CAPN3: variants seen among roughly 807,000 people sequenced by gnomAD.
CAPN3 encodes calpain-3.
CAPN3 carries 88 observed loss-of-function variants against 114.0 expected under a neutral mutation model. The observed-to-expected ratio is 0.77, with a 90% CI of 0.65 to 0.92. CAPN3 has a LOEUF of 0.92. CAPN3 is among the 40% of genes least tolerant of loss of function. The pLI, the probability that CAPN3 is intolerant of heterozygous loss-of-function variation, is 0.00. For missense variants in CAPN3, 1,028 were observed against 1,069.0 expected (o/e 0.96, Z 0.53); for synonymous variants, 386 against 382.9 (o/e 1.01, Z -0.09).
Position 42,409,381 on chromosome 15 carries a change from G to T in CAPN3, c.1992+1G>T, listed in dbSNP as rs863224961. On this transcript the variant is annotated splice_donor_variant, in intron 17 of 23. Transcript: ENST00000397163. LOFTEE classifies it high-confidence loss of function. ...CATTTTCAAGCAGATAGCAGGAGAT[G>T]TGAGTACCTCCAAGCCCAGGACGCC... 5.6e-6 allele frequency: 9 copies of T among 1,613,882 alleles called. No homozygotes were observed. Among genetic ancestry groups the T allele is most frequent in the Non-Finnish European group, 7.6e-6 (9 of 1,179,758 alleles).
chr15:42,398,722 C>T (rs1461313597), intron 9 of CAPN3, among the ~76,000 whole-genome samples: 3 of 147,534 alleles, frequency 2.0e-5, no homozygotes, highest in Admixed American at 6.7e-5. Context: ...CACACACACA[C>T]TATACTATAA....
rs961090505 is a variant in CAPN3 at position 42,402,624 on chromosome 15, G to A, written c.1537-170G>A. 4 of 1,525,662 alleles carry A rather than the reference G, an allele frequency of 2.6e-6. No homozygotes were observed. The African/African-American group carries it at 5.5e-5, about 21-fold the overall frequency. The allele number at this position is 1,525,662 out of a possible 1,614,324, so 94.5% of individuals were successfully genotyped here. ...ACTCTGAATCACAACAGAAAAGGAAGAGGAAGTGAGGTAGGGAGGCTATTT... is the reference window on the plus strand; with the variant it reads ...ACTCTGAATCACAACAGAAAAGGAAAAGGAAGTGAGGTAGGGAGGCTATTT... On this transcript the variant is annotated intron_variant, in intron 12 of 23. Coordinates refer to ENST00000397163, the MANE Select transcript of CAPN3 (RefSeq NM_000070.3).
intron 1 of CAPN3, among the ~76,000 whole-genome samples, chr15:42,384,245 C>G (rs918978729): frequency 6.6e-6 from 1 of 152,098 alleles, no homozygotes; most frequent in Admixed American, 6.5e-5. Flanking sequence ...AACCGTATCT[C>G]TACTAAAGAT....
chr15:42,408,094 C>G, intron 15 of CAPN3, 117 bp from the exon 16 acceptor site: 1 of 705,118 alleles, frequency 1.4e-6, no homozygotes. Context: ...GAAGAGCTCC[C>G]GCCTATTCCT....
intron 1 of CAPN3, among the ~76,000 whole-genome samples, chr15:42,375,825 A>C (rs776985205): frequency 7.2e-5 from 11 of 152,166 alleles, no homozygotes; most frequent in Non-Finnish European, 1.3e-4. Context: ...TTATTAGCTG[A>C]AGTCCATACT....
At position 42,402,954 on chromosome 15, in the gene CAPN3, A is replaced by C. The variant is rs770100642; in HGVS notation, c.1697A>C (p.Glu566Ala). The C allele has an allele frequency of 6.2e-7, 1 of 1,614,176 alleles. No homozygotes were observed. Residue 566 changes from glutamate to alanine, a missense_variant, in exon 13 of 24, where the codon GAG becomes GCG. Glu to Ala is a moderately radical substitution (Grantham distance 107). Coordinates refer to ENST00000397163, the MANE Select transcript of CAPN3 (RefSeq NM_000070.3). ...CCCTCCACCTACGAGCCCCACCAGG[A>C]GGGGGAATTCATCCTCCGGGTCTTC... ...IVPSTYEPHQ[E>A]GEFILRVFSE...
chr15:42,362,422 C>CA (rs2052669190), intron 1 of CAPN3, among the ~76,000 whole-genome samples: 7 of 152,142 alleles, frequency 4.6e-5, no homozygotes, highest in Admixed American at 4.6e-4. Context: ...GGGCAGTGTC[C>CA]ATGTTTGAAA....
At chr15:42,394,145 C>A in intron 7 of CAPN3, 111 bp from the exon 8 acceptor site, 1 of 979,614 alleles carries the variant, frequency 1.0e-6, no homozygotes, top group Non-Finnish European at 1.6e-6. Flanking sequence ...CCAGGCAGAA[C>A]ACCCTCGCGT....
At position 42,403,683 on chromosome 15, in the gene CAPN3, C is replaced by T. The variant is rs1595839552; in HGVS notation, c.1746-58C>T. ...GCCGTGCACCAGAGCAAACCGTCCA[C>T]GGGCCTCCTGCTTGCTTCTGGTGAC... On this transcript the variant is annotated intron_variant, in intron 13 of 23. Coordinates refer to ENST00000397163, the MANE Select transcript of CAPN3 (RefSeq NM_000070.3). 12 of 1,523,038 alleles carry T rather than the reference C, an allele frequency of 7.9e-6. No homozygotes were observed. The East Asian group carries it at 1.1e-4, about 14-fold the overall frequency. 94.3% of individuals were successfully genotyped at this position (1,523,038 alleles called of 1,614,324 possible).
intron 13 of CAPN3, 28 bp downstream of exon 13, chr15:42,403,030 GT>G (rs1187827913): frequency 6.3e-7 from 1 of 1,597,526 alleles, no homozygotes; most frequent in South Asian, 1.1e-5. Flanking sequence ...TTTCCCACGT[GT>G]TTCTAAAAGC....
Position 42,359,549 on chromosome 15 carries a change from C to A in CAPN3, c.-257C>A. ...CATGCATGCTGCTGGTAGGAGACCCCCAAGTCAACATTGCTTCAGAAATCC... is the reference window on the plus strand; with the variant it reads ...CATGCATGCTGCTGGTAGGAGACCCACAAGTCAACATTGCTTCAGAAATCC... On this transcript the variant is annotated 5_prime_UTR_variant, in exon 1 of 24. Coordinates refer to ENST00000397163, the MANE Select transcript of CAPN3 (RefSeq NM_000070.3). 7.4e-7 allele frequency: 1 copy of A among 1,352,250 alleles called. No individual in the cohort carries two copies. The allele number at this position is 1,352,250 out of a possible 1,614,324, so 83.8% of individuals were successfully genotyped here.
chr15:42,360,009 T>C lies in CAPN3; in HGVS notation c.204T>C (p.Cys68=). 6.2e-7 allele frequency: 1 copy of C among 1,614,224 alleles called. No individual in the cohort carries two copies. Among genetic ancestry groups the C allele is most frequent in the Non-Finnish European group, 8.5e-7 (1 of 1,180,036 alleles). ...EKTFEQLHKK[C]LEKKVLYVDP... ...CATTCGAGCAACTTCACAAGAAATG[T>C]CTAGAAAAGAAAGTTCTTTATGTGG... The change falls in exon 1 of 24, where the codon TGT becomes TGC. Residue 68 remains cysteine (C), a synonymous_variant. Transcript: ENST00000397163.
chr15:42,373,290 C>T lies in CAPN3; in HGVS notation c.310-11193C>T, dbSNP rs542330698. ...TATTCAAAATGCAGAGTCCCAGACC[C>T]CTACCAAATCCTCAGGTCTGGGATG... On this transcript the variant is annotated intron_variant, in intron 1 of 23. Coordinates refer to ENST00000397163, the MANE Select transcript of CAPN3 (RefSeq NM_000070.3). Among the ~76,000 whole-genome samples the T allele has an allele frequency of 7.2e-4, 110 of 152,296 alleles. 1 individual carries two copies. Among genetic ancestry groups the T allele is most frequent in the Admixed American group, 2.0e-4 (3 of 15,298 alleles).
chr15:42,365,257 C>T (rs1423608697), intron 1 of CAPN3, among the ~76,000 whole-genome samples: 6 of 152,166 alleles, frequency 3.9e-5, no homozygotes, highest in Admixed American at 3.9e-4. Context: ...TGTTTCTTGG[C>T]TCTGCTAGGA....
At chr15:42,376,047 T>G (rs1278646749) in intron 1 of CAPN3, among the ~76,000 whole-genome samples, 1 of 152,194 alleles carries the variant, frequency 6.6e-6, no homozygotes, top group Non-Finnish European at 1.5e-5. Context: ...TGTCTGCGGT[T>G]TTTCTCCTTA....
At chr15:42,386,140 C>A in intron 2 of CAPN3, 27 bp from the exon 3 acceptor site, 1 of 1,522,580 alleles carries the variant, frequency 6.6e-7, no homozygotes, top group Non-Finnish European at 9.1e-7. Context: ...GGAGTGCTCA[C>A]GATCTGTGCC....
intron 3 of CAPN3, 27 bp from the exon 4 acceptor site, chr15:42,387,726 G>T: frequency 6.2e-7 from 1 of 1,614,134 alleles, no homozygotes. Flanking sequence ...TTGAGTATGT[G>T]ACTCTGTGCG....
rs369552114 is a variant in CAPN3, at chr15:42,409,786, G to A, written c.1993-1G>A. 28 of 1,598,414 alleles carry A rather than the reference G, an allele frequency of 1.8e-5. No individual in the cohort carries two copies. Among genetic ancestry groups the A allele is most frequent in the African/African-American group, 2.7e-5 (2 of 73,860 alleles). On this transcript the variant is annotated splice_acceptor_variant, in intron 17 of 23. Coordinates refer to ENST00000397163, the MANE Select transcript of CAPN3 (RefSeq NM_000070.3). LOFTEE classifies it high-confidence loss of function. ...TGACCCTCCTCTCCCTTCCTCCTCA[G>A]GACATGGAGATCTGTGCAGATGAGC...
In CAPN3 at chr15:42,394,189, C is replaced by T; in HGVS notation, c.1030-67C>T. 2.1e-6 allele frequency: 3 copies of T among 1,440,046 alleles called. No homozygotes were observed. In the South Asian group the frequency reaches 3.7e-5, roughly 18 times the overall value. 89.2% of individuals were successfully genotyped at this position (1,440,046 alleles called of 1,614,324 possible). A position where few individuals can be genotyped will look rare whatever the true frequency, so the allele number is the denominator to read the frequency against. Reference sequence around the variant, plus strand: ...TGCCCCCCAGCCCCGTCCCAGCCCTCAGCAAGACAGAAGATTCCCTTTCCA... The same window carrying T: ...TGCCCCCCAGCCCCGTCCCAGCCCTTAGCAAGACAGAAGATTCCCTTTCCA... On this transcript the variant is annotated intron_variant, in intron 7 of 23. Transcript: ENST00000397163.
Sources: gnomAD v4.1 joint callset for allele counts (sites outside exome capture counted in the v4.1 genomes callset) on GRCh38, gnomAD v4.1.1 for gene constraint, MANE v1.5 for transcripts, NCBI Gene and HGNC (gene_info 2026-07-23, HGNC 2026-07-21) for gene names.